The following PPIG variants were observed in gnomAD, a reference collection of about 807,000 sequenced individuals.
PPIG encodes the protein peptidyl-prolyl cis-trans isomerase G.
Under a neutral mutation model 87.9 loss-of-function variants are expected in PPIG, and 26 were observed. The observed-to-expected ratio is 0.30, with a 90% CI of 0.22 to 0.41. The LOEUF is 0.41. Among genes scored for constraint, PPIG ranks in the 10% least tolerant of loss-of-function variants. PPIG has a pLI of 1.00. For synonymous variants in PPIG, 308 were observed against 276.5 expected, an observed-to-expected ratio of 1.11 and a Z score of -1.13; for missense variants, 722 against 879.4, an observed-to-expected ratio of 0.82 and a Z score of 2.26.
chr2:169,598,552 A>G (rs981704522), intron 1 of PPIG, among the ~76,000 whole-genome samples: 4 of 152,108 alleles, frequency 2.6e-5, no homozygotes, highest in Admixed American at 6.6e-5. Context: ...CGGCCTCCCA[A>G]AATGTTGGGA....
intron 11 of PPIG, 117 bp from the exon 12 acceptor site, chr2:169,633,043 T>G (rs1686098306): frequency 1.4e-6 from 1 of 738,080 alleles, no homozygotes; most frequent in Non-Finnish European, 2.4e-6. Context: ...CCCAAAGTGC[T>G]GGGATTACAG....
intron 1 of PPIG, among the ~76,000 whole-genome samples, chr2:169,587,085 C>T (rs1684724677): frequency 6.6e-6 from 1 of 152,044 alleles, no homozygotes; most frequent in Non-Finnish European, 1.5e-5. Context: ...AGGTGCCTGC[C>T]ACCACACCGG....
In PPIG at chr2:169,636,649, G is replaced by A; in HGVS notation, c.1391G>A (p.Ser464Asn). 1 of 1,600,540 alleles carries A rather than the reference G, an allele frequency of 6.2e-7. No homozygotes were observed. Among genetic ancestry groups the A allele is most frequent in the Non-Finnish European group, 8.5e-7 (1 of 1,176,846 alleles). Residue 464 changes from serine to asparagine, a missense_variant, in exon 14 of 14, where the codon AGC becomes AAC. Around this residue, in one of 4 missense-constraint regions of PPIG, gnomAD observed 476 missense variants for 483.1 expected, o/e 0.99. Coordinates refer to ENST00000260970, the MANE Select transcript of PPIG (RefSeq NM_004792.3). ...KRAKSKSRSK[S>N]KEKSKSKERD... is the part of the protein sequence containing the mutation. ...GCCAAATCTAAAAGTAGGAGTAAGA[G>A]CAAAGAGAAATCAAAGAGTAAAGAA...
chr2:169,631,494 G>A lies in PPIG; in HGVS notation c.762-272G>A. 3 of 904,350 alleles carry A rather than the reference G, an allele frequency of 3.3e-6. No homozygotes were observed. The South Asian group carries it at 7.5e-5, about 23-fold the overall frequency. 56.0% of individuals were successfully genotyped at this position (904,350 alleles called of 1,614,324 possible). ...TAAAGTATTTTAAATTTATCAGAGT[G>A]CATTGCTCACATAGTTTCATATTTT... is the stretch of plus-strand genomic sequence containing the variant. On this transcript the variant is annotated intron_variant, in intron 10 of 13. Transcript: ENST00000260970.
intron 9 of PPIG, among the ~76,000 whole-genome samples, chr2:169,626,141 T>C (rs1685881512): frequency 1.3e-5 from 2 of 152,232 alleles, no homozygotes; most frequent in African/African-American, 4.8e-5. Flanking sequence ...TTGAGAAGGA[T>C]ACAGTTTCAA....
At chr2:169,601,906 CA>C (rs140359069) in intron 1 of PPIG, among the ~76,000 whole-genome samples, 39 of 138,648 alleles carry the variant, frequency 2.8e-4, no homozygotes, top group Non-Finnish European at 3.8e-4. Flanking sequence ...AAGACTTGTA[CA>C]AAAAAAAAAA....
At position 169,637,036 on chromosome 2, in the gene PPIG, A is replaced by C. The variant is rs114606825; in HGVS notation, c.1778A>C (p.Tyr593Ser). ...AGCAGAAGCAAGGAGTACCATAGAT[A>C]CAGAGAACAGGAATACAGGAGAAGA... ...DRSRSKEYHR[Y>S]REQEYRRRGR... is the part of the protein sequence containing the mutation. The change falls in exon 14 of 14, where the codon TAC becomes TCC. Residue 593 changes from tyrosine (Y) to serine (S), a missense_variant. By Grantham distance (144) the Tyr-to-Ser change is moderately radical. Around this residue, in one of 4 missense-constraint regions of PPIG, gnomAD observed 476 missense variants for 483.1 expected, o/e 0.99. Coordinates refer to ENST00000260970, the MANE Select transcript of PPIG (RefSeq NM_004792.3). 91 of 1,613,926 alleles carry C rather than the reference A, an allele frequency of 5.6e-5. 1 individual carries two copies. The African/African-American group carries it at 1.2e-3, about 21-fold the overall frequency.
chr2:169,632,610 G>A (rs1422512996), intron 11 of PPIG, among the ~76,000 whole-genome samples: 5 of 151,716 alleles, frequency 3.3e-5, no homozygotes, highest in African/African-American at 9.7e-5. Flanking sequence ...GTGTGGTGGC[G>A]GGTGCCTGTA....
chr2:169,607,573 AT>A (rs1188511854), intron 6 of PPIG, among the ~76,000 whole-genome samples: 4 of 152,150 alleles, frequency 2.6e-5, no homozygotes, highest in Non-Finnish European at 5.9e-5. Flanking sequence ...TCTTGCTGGA[AT>A]TTTTTTGTTG....
intron 1 of PPIG, among the ~76,000 whole-genome samples, chr2:169,592,079 A>C (rs182413915): frequency 3.5e-4 from 51 of 146,534 alleles, no homozygotes; most frequent in Non-Finnish European, 6.8e-4. Flanking sequence ...GGCCTGGGTC[A>C]TCACACCCAG....
At chr2:169,632,027 CT>C in intron 11 of PPIG, 94 bp downstream of exon 11, 1 of 1,311,616 alleles carries the variant, frequency 7.6e-7, no homozygotes, top group East Asian at 2.7e-5. Flanking sequence ...AATTGGTGAC[CT>C]TGTCCCAAGA....
At chr2:169,609,787 G>A (rs1416774315) in intron 7 of PPIG, among the ~76,000 whole-genome samples, 4 of 152,150 alleles carry the variant, frequency 2.6e-5, no homozygotes, top group Non-Finnish European at 2.9e-5. Flanking sequence ...AATCATCACA[G>A]TAATGACTGA....
intron 9 of PPIG, among the ~76,000 whole-genome samples, chr2:169,618,805 G>C (rs995226001): frequency 6.7e-6 from 1 of 149,712 alleles, no homozygotes; most frequent in African/African-American, 2.5e-5. Context: ...CTTTTCAAAA[G>C]ACCAGCTTCT....
Position 169,636,395 on chromosome 2 carries a change from C to A in PPIG, c.1155-18C>A. On this transcript the variant is annotated intron_variant, in intron 13 of 13. Coordinates refer to ENST00000260970, the MANE Select transcript of PPIG (RefSeq NM_004792.3). Reference sequence around the variant, plus strand: ...TTTTCCTAATAACATTTCCCCAATTCTTTTTCTTATTTTTTAGGAGTGAGT... The same window carrying A: ...TTTTCCTAATAACATTTCCCCAATTATTTTTCTTATTTTTTAGGAGTGAGT... The A allele has an allele frequency of 2.0e-6, 3 of 1,501,566 alleles. No homozygotes were observed. The highest frequency in any genetic ancestry group is 2.7e-6 in the Non-Finnish European group (3 of 1,121,726). The allele number at this position is 1,501,566 out of a possible 1,614,324, so 93.0% of individuals were successfully genotyped here. A position where few individuals can be genotyped will look rare whatever the true frequency, so the allele number is the denominator to read the frequency against.
intron 9 of PPIG, among the ~76,000 whole-genome samples, chr2:169,625,420 G>A (rs1449743443): frequency 6.6e-6 from 1 of 152,108 alleles, no homozygotes; most frequent in Non-Finnish European, 1.5e-5. Context: ...TTGTAATTTG[G>A]TAGACACTGC....
chr2:169,607,224 A>C lies in PPIG; in HGVS notation c.289+76A>C. ...TATTTTATTCTCTATGGAATCAATA[A>C]CATTATTCATTAAAGGGTATACTAA... On this transcript the variant is annotated intron_variant, in intron 6 of 13. Transcript: ENST00000260970. 4.3e-6 allele frequency: 4 copies of C among 940,826 alleles called. No homozygotes were observed. In the South Asian group the frequency reaches 6.6e-5, roughly 15 times the overall value. 58.3% of individuals were successfully genotyped at this position (940,826 alleles called of 1,614,324 possible).
Position 169,602,624 on chromosome 2 carries a change from GTT to G in PPIG, c.-69-1014_-69-1013del, listed in dbSNP as rs1038714555. On this transcript the variant is annotated intron_variant, in intron 1 of 13. Coordinates refer to ENST00000260970, the MANE Select transcript of PPIG (RefSeq NM_004792.3). Reference sequence around the variant, plus strand: ...ACCGCACCCGGCCCAAAATTAGCCTGTTTTTGTTTGTCAAAATGTGGCTACTG... The same window carrying G: ...ACCGCACCCGGCCCAAAATTAGCCTGTTTGTTTGTCAAAATGTGGCTACTG... Among the ~76,000 whole-genome samples, 285 of 152,242 alleles carry G rather than the reference GTT, an allele frequency of 1.9e-3. 1 individual carries two copies. The highest frequency in any genetic ancestry group is 7.7e-4 in the East Asian group (4 of 5,176).
intron 3 of PPIG, 37 bp downstream of exon 3, chr2:169,604,139 A>C (rs1306883795): frequency 6.2e-7 from 1 of 1,607,194 alleles, no homozygotes; most frequent in Admixed American, 1.7e-5. Context: ...ATGGGTGTTT[A>C]ATATTTTAAA....
At chr2:169,603,811 T>A (rs951922915) in intron 2 of PPIG, 117 bp downstream of exon 2, 16 of 552,780 alleles carry the variant, frequency 2.9e-5, no homozygotes, top group Non-Finnish European at 4.8e-5. Context: ...TGGTTAAGGC[T>A]TAACTTTCAA....
Sources: gnomAD v4.1 joint callset for allele counts (sites outside exome capture counted in the v4.1 genomes callset) on GRCh38, gnomAD v4.1.1 for gene constraint, gnomAD v4.1.1 regional missense constraint, MANE v1.5 for transcripts, NCBI Gene and HGNC (gene_info 2026-07-23, HGNC 2026-07-21) for gene names.